Variants in GRID1 observed in about 807,000 individuals in gnomAD.
GRID1 encodes glutamate receptor ionotropic, delta-1.
A neutral mutation model predicts 98.0 loss-of-function variants in GRID1; 28 were observed. The ratio of observed to expected loss-of-function variants is 0.29; its 90% confidence interval spans 0.21 to 0.39. The LOEUF (loss-of-function observed/expected upper bound fraction) is 0.39. Ranked by LOEUF, GRID1 falls within the 10% of genes least tolerant of loss-of-function variation. The pLI is 1.00. For synonymous variants in GRID1, 553 were observed against 538.5 expected, an observed-to-expected ratio of 1.03 and a Z score of -0.37; for missense variants, 1,111 against 1,340.5, an observed-to-expected ratio of 0.83 and a Z score of 2.67.
intron 3 of GRID1, among the ~76,000 whole-genome samples, chr10:86,166,693 T>C (rs1845403793): frequency 6.6e-6 from 1 of 152,200 alleles, no homozygotes; most frequent in Non-Finnish European, 1.5e-5. Flanking sequence ...AAAATTTAGG[T>C]GGGACCAAAT....
chr10:86,049,130 G>A (rs747104640), intron 4 of GRID1, among the ~76,000 whole-genome samples: 2 of 152,146 alleles, frequency 1.3e-5, no homozygotes, highest in Non-Finnish European at 2.9e-5. Context: ...GCCAGTAAAC[G>A]GCAGGACTGA....
intron 12 of GRID1, among the ~76,000 whole-genome samples, chr10:85,721,084 C>CA (rs888675335): frequency 5.9e-5 from 9 of 151,650 alleles, no homozygotes; most frequent in African/African-American, 1.2e-4. Flanking sequence ...CAAATAAGCA[C>CA]AAAAAAAGGT....
intron 4 of GRID1, among the ~76,000 whole-genome samples, chr10:86,131,553 G>C (rs758517311): frequency 6.6e-6 from 1 of 152,088 alleles, no homozygotes; most frequent in Non-Finnish European, 1.5e-5. Flanking sequence ...CCCCAGACAG[G>C]CCTCCCAGAC....
chr10:86,342,175 C>CT (rs1485735905), intron 2 of GRID1, among the ~76,000 whole-genome samples: 1 of 152,162 alleles, frequency 6.6e-6, no homozygotes, highest in African/African-American at 2.4e-5. Flanking sequence ...CCAAGTGCCC[C>CT]ATGTGTTCAG....
At chr10:86,271,227 T>C (rs538669225) in intron 2 of GRID1, among the ~76,000 whole-genome samples, 116 of 152,328 alleles carry the variant, frequency 7.6e-4, no homozygotes, top group African/African-American at 2.7e-3. Flanking sequence ...GGGTAGAGTA[T>C]GTAGAAAGGT....
At chr10:85,645,378 G>A (rs1195793239) in intron 13 of GRID1, among the ~76,000 whole-genome samples, 1 of 152,168 alleles carries the variant, frequency 6.6e-6, no homozygotes, top group Non-Finnish European at 1.5e-5. Flanking sequence ...TCACTGTCAG[G>A]GGTGAAAGAA....
Position 85,869,121 on chromosome 10 carries a change from C to G in GRID1, c.840G>C (p.Val280=). 1.2e-6 allele frequency: 2 copies of G among 1,613,972 alleles called. No homozygotes were observed. Among genetic ancestry groups the G allele is most frequent in the Non-Finnish European group, 1.7e-6 (2 of 1,179,866 alleles). ...LVHSALGRMT[V]VRQIFPSAKD... is the part of the protein sequence containing the mutation. ...TTGCAGACGGAAAGATTTGCCGGAC[C>G]ACGGTCATCCTTCCAAGGGCACTAT... Residue 280 remains valine, a synonymous_variant, in exon 6 of 16, where the codon GTG becomes GTC. Coordinates refer to ENST00000327946, the MANE Select transcript of GRID1 (RefSeq NM_017551.3).
rs188332343 is a variant in GRID1 at position 85,876,118 on chromosome 10, G to A, written c.781-6938C>T. 5.9e-5 allele frequency among the ~76,000 whole-genome samples: 9 copies of A among 152,316 alleles called. No individual in the cohort carries two copies. The East Asian group carries it at 9.6e-4, about 16-fold the overall frequency. ...TCTAGCTTCCACTGCTGTCCAGTGTGTAAGTTTCCCACAGCTGCATTAACA... is the reference window on the plus strand; with the variant it reads ...TCTAGCTTCCACTGCTGTCCAGTGTATAAGTTTCCCACAGCTGCATTAACA... On this transcript the variant is annotated intron_variant, in intron 5 of 15. Coordinates refer to ENST00000327946, the MANE Select transcript of GRID1 (RefSeq NM_017551.3).
At chr10:86,334,863 A>G (rs556648307) in intron 2 of GRID1, among the ~76,000 whole-genome samples, 1 of 152,306 alleles carries the variant, frequency 6.6e-6, no homozygotes, top group Admixed American at 6.5e-5. Flanking sequence ...GGCCTGTTAA[A>G]TCCACTGCCA....
intron 4 of GRID1, among the ~76,000 whole-genome samples, chr10:86,068,353 A>AC (rs940971177): frequency 1.3e-5 from 2 of 152,174 alleles, no homozygotes; most frequent in African/African-American, 4.8e-5. Flanking sequence ...GAAAATATAT[A>AC]CCAGACTGAA....
At chr10:86,341,610 T>C (rs10509530) in intron 2 of GRID1, among the ~76,000 whole-genome samples, 106,931 of 151,936 alleles carry the variant, frequency 0.7, 39,239 homozygotes, top group Non-Finnish European at 0.82. Flanking sequence ...ACAGACACAC[T>C]GAGAGAACAT....
At chr10:85,937,468 G>A (rs192382422) in intron 4 of GRID1, among the ~76,000 whole-genome samples, 4 of 152,336 alleles carry the variant, frequency 2.6e-5, no homozygotes, top group Non-Finnish European at 5.9e-5. Context: ...CCGAGTAGCT[G>A]TGTTGAAGGT....
intron 4 of GRID1, among the ~76,000 whole-genome samples, chr10:86,117,421 C>T (rs1844600397): frequency 6.6e-6 from 1 of 151,546 alleles, no homozygotes; most frequent in African/African-American, 2.4e-5. Context: ...TCACTATTAC[C>T]ACCACCAATA....
At chr10:85,703,234 A>T (rs1419398492) in intron 12 of GRID1, among the ~76,000 whole-genome samples, 1 of 152,132 alleles carries the variant, frequency 6.6e-6, no homozygotes, top group Non-Finnish European at 1.5e-5. Flanking sequence ...CTGTCTCAGA[A>T]ATCATACTAC....
In GRID1 at chr10:85,613,399, G is replaced by A; in HGVS notation, c.2601+8C>T. On this transcript the variant is annotated splice_region_variant and intron_variant, in intron 15 of 15. Transcript: ENST00000327946. Reference sequence around the variant, plus strand: ...TGTGAAAGGGAGGGCAGGCCCCAGGGTGCTGACCTCCTTGGGGGTCTCCTG... The same window carrying A: ...TGTGAAAGGGAGGGCAGGCCCCAGGATGCTGACCTCCTTGGGGGTCTCCTG... 4 of 1,610,260 alleles carry A rather than the reference G, an allele frequency of 2.5e-6. No homozygotes were observed. Among genetic ancestry groups the A allele is most frequent in the Non-Finnish European group, 3.4e-6 (4 of 1,178,466 alleles).
intron 3 of GRID1, among the ~76,000 whole-genome samples, chr10:86,144,432 G>A (rs1201279114): frequency 6.6e-6 from 1 of 152,176 alleles, no homozygotes; most frequent in African/African-American, 2.4e-5. Context: ...CTGAGGGTCA[G>A]TGGGCACCAG....
intron 4 of GRID1, among the ~76,000 whole-genome samples, chr10:86,092,444 G>A (rs1844163100): frequency 6.6e-6 from 1 of 152,076 alleles, no homozygotes; most frequent in South Asian, 2.1e-4. Flanking sequence ...AGAAGACTAA[G>A]AAAATATGAA....
At chr10:85,624,731 A>G (rs1028469981) in intron 13 of GRID1, among the ~76,000 whole-genome samples, 21 of 152,232 alleles carry the variant, frequency 1.4e-4, no homozygotes, top group African/African-American at 4.8e-4. Flanking sequence ...AAATGATGCA[A>G]TCCTTTGGAG....
intron 8 of GRID1, among the ~76,000 whole-genome samples, chr10:85,764,742 G>C (rs1391852301): frequency 1.3e-5 from 2 of 152,180 alleles, no homozygotes; most frequent in East Asian, 3.9e-4. Context: ...TGTTTGTGAA[G>C]CTACAGTTTA....
Sources: gnomAD v4.1 joint callset for allele counts (sites outside exome capture counted in the v4.1 genomes callset) on GRCh38, gnomAD v4.1.1 for gene constraint, MANE v1.5 for transcripts, NCBI Gene and HGNC (gene_info 2026-07-23, HGNC 2026-07-21) for gene names.